TSGA10: variants seen among roughly 807,000 people sequenced by gnomAD.
The protein encoded by TSGA10 is testis-specific gene 10 protein.
A neutral mutation model predicts 96.6 loss-of-function variants in TSGA10; 43 were observed. The ratio of observed to expected loss-of-function variants is 0.44; its 90% CI spans 0.35 to 0.57. TSGA10 has a LOEUF of 0.57. Among genes scored for constraint, TSGA10 ranks in the 20% least tolerant of loss-of-function variants. TSGA10 has a pLI of 0.01. For synonymous variants in TSGA10, 229 were observed against 269.9 expected (o/e 0.85, Z 1.48); for missense variants, 703 against 834.4 (o/e 0.84, Z 1.94).
At chr2:99,050,967 G>A (rs1312786155) in intron 16 of TSGA10, among the ~76,000 whole-genome samples, 1 of 152,116 alleles carries the variant, frequency 6.6e-6, no homozygotes, top group Non-Finnish European at 1.5e-5. Flanking sequence ...TATGTATTCA[G>A]TACAGTAACA....
chr2:99,002,786 G>A (rs1248743930), intron 20 of TSGA10, among the ~76,000 whole-genome samples: 1 of 152,108 alleles, frequency 6.6e-6, no homozygotes, highest in Non-Finnish European at 1.5e-5. Context: ...AAGGGATGGA[G>A]GAAGGTCTAA....
intron 16 of TSGA10, among the ~76,000 whole-genome samples, chr2:99,040,134 G>C (rs1280732183): frequency 4.6e-5 from 7 of 152,052 alleles, no homozygotes; most frequent in Admixed American, 1.3e-4. Context: ...GGTAATAAAA[G>C]CCATCTATGA....
intron 1 of TSGA10, among the ~76,000 whole-genome samples, chr2:99,133,071 T>C (rs1028900129): frequency 3.9e-5 from 6 of 152,172 alleles, no homozygotes; most frequent in Non-Finnish European, 7.3e-5. Context: ...TTCTGTTGAG[T>C]TGGGGAAGAG....
chr2:99,105,377 C>T lies in TSGA10; in HGVS notation c.441G>A (p.Leu147=). The T allele has an allele frequency of 1.2e-6, 2 of 1,611,910 alleles. No individual in the cohort carries two copies. Among genetic ancestry groups the T allele is most frequent in the Non-Finnish European group, 1.7e-6 (2 of 1,179,702 alleles). Reference sequence around the variant, plus strand: ...TTTTTACATTATGAACTGTACACTCCAGCTCCTCTATCCTTTGTTCCAGGT... The same window carrying T: ...TTTTTACATTATGAACTGTACACTCTAGCTCCTCTATCCTTTGTTCCAGGT... The part of the protein sequence containing the change: ...KAHLEQRIEE[L]ECTVHNLDDE... The change falls in exon 9 of 21, where the codon CTG becomes CTA. Residue 147 remains leucine, a synonymous_variant. Transcript: ENST00000393483.
intron 1 of TSGA10, among the ~76,000 whole-genome samples, chr2:99,149,436 G>A: frequency 7.1e-6 from 1 of 141,056 alleles, no homozygotes; most frequent in Non-Finnish European, 1.5e-5. Flanking sequence ...CATGCTACAT[G>A]ATCATCTTTT....
intron 2 of TSGA10, 63 bp from the exon 3 acceptor site, chr2:99,118,749 TC>T: frequency 1.2e-6 from 1 of 865,734 alleles, no homozygotes; most frequent in Non-Finnish European, 1.4e-6. Context: ...TATATTAAAT[TC>T]CAAAAATACA....
intron 16 of TSGA10, among the ~76,000 whole-genome samples, chr2:99,045,607 T>C (rs892425964): frequency 5.9e-5 from 9 of 152,230 alleles, no homozygotes; most frequent in African/African-American, 2.2e-4. Flanking sequence ...AAGGAACAAC[T>C]GGTACCAGCC....
At chr2:99,154,120 A>G (rs2093723512) in intron 1 of TSGA10, among the ~76,000 whole-genome samples, 1 of 152,228 alleles carries the variant, frequency 6.6e-6, no homozygotes, top group Admixed American at 6.5e-5. Context: ...CTGCCAGAGC[A>G]TGAATAAGGC....
chr2:99,054,063 A>C (rs763313521), intron 16 of TSGA10, among the ~76,000 whole-genome samples: 6 of 152,204 alleles, frequency 3.9e-5, no homozygotes, highest in Non-Finnish European at 7.4e-5. Flanking sequence ...TACACCCTTT[A>C]GACAAAGTAA....
chr2:99,042,737 G>A (rs903194894), intron 16 of TSGA10, among the ~76,000 whole-genome samples: 6 of 151,028 alleles, frequency 4.0e-5, no homozygotes, highest in South Asian at 2.1e-4. Flanking sequence ...GGAGTCTTGC[G>A]TTGTGGCCCA....
chr2:99,063,108 A>G (rs1276293371), intron 16 of TSGA10, among the ~76,000 whole-genome samples: 1 of 152,236 alleles, frequency 6.6e-6, no homozygotes, highest in African/African-American at 2.4e-5. Context: ...TTTATGACAA[A>G]GTAGACTTGA....
At chr2:99,038,377 T>A (rs2081862276) in intron 16 of TSGA10, among the ~76,000 whole-genome samples, 1 of 152,068 alleles carries the variant, frequency 6.6e-6, no homozygotes, top group Admixed American at 6.6e-5. Flanking sequence ...TTGATAAGAA[T>A]ACACTAAATA....
chr2:99,075,730 A>G (rs542320957), intron 12 of TSGA10, among the ~76,000 whole-genome samples: 2 of 152,280 alleles, frequency 1.3e-5, no homozygotes, highest in Admixed American at 1.3e-4. Context: ...TTTGAAGTAG[A>G]CTTGTAACTC....
At chr2:99,139,619 G>A (rs1230846276) in intron 1 of TSGA10, among the ~76,000 whole-genome samples, 1 of 152,112 alleles carries the variant, frequency 6.6e-6, no homozygotes, top group Non-Finnish European at 1.5e-5. Context: ...GAATAATTCT[G>A]AGAGAGTATT....
chr2:99,129,023 G>A (rs969085999), intron 1 of TSGA10, among the ~76,000 whole-genome samples: 11 of 152,186 alleles, frequency 7.2e-5, no homozygotes, highest in Admixed American at 4.6e-4. Context: ...TTACAGGCAT[G>A]AGCCACTGCA....
chr2:99,130,467 G>C (rs2093025058), intron 1 of TSGA10, among the ~76,000 whole-genome samples: 1 of 152,024 alleles, frequency 6.6e-6, no homozygotes, highest in Admixed American at 6.5e-5. Flanking sequence ...CTTTTTGATG[G>C]GGTCGTCTGT....
intron 4 of TSGA10, among the ~76,000 whole-genome samples, chr2:99,111,411 A>G (rs1398844680): frequency 6.6e-6 from 1 of 152,170 alleles, no homozygotes; most frequent in African/African-American, 2.4e-5. Context: ...TATTTAGCAT[A>G]TGACTACATT....
intron 20 of TSGA10, among the ~76,000 whole-genome samples, chr2:99,012,378 A>C (rs1463458699): frequency 6.6e-6 from 1 of 152,186 alleles, no homozygotes; most frequent in Non-Finnish European, 1.5e-5. Flanking sequence ...TCCACTTAAA[A>C]GATACGGAAT....
intron 1 of TSGA10, chr2:99,141,961 A>T (rs1242043610): frequency 6.6e-6 from 1 of 152,434 alleles, no homozygotes; most frequent in Non-Finnish European, 1.5e-5. Flanking sequence ...GCCTGGAGTC[A>T]GGGGAGCCTG....
Sources: gnomAD v4.1 joint callset for allele counts (sites outside exome capture counted in the v4.1 genomes callset) on GRCh38, gnomAD v4.1.1 for gene constraint, MANE v1.5 for transcripts, NCBI Gene and HGNC (gene_info 2026-07-23, HGNC 2026-07-21) for gene names.